MGAT4D: variants seen among roughly 807,000 people sequenced by gnomAD.
MGAT4D encodes the protein MGAT4 family member D, also known as alpha-1,3-mannosyl-glycoprotein 4-beta-N-acetylglucosaminyltransferase-like protein MGAT4D.
In MGAT4D, 34 loss-of-function variants were observed where a neutral mutation model predicts 15.9. The observed-to-expected ratio is 2.14, with a 90% confidence interval of 1.62 to 2.84. MGAT4D has a LOEUF of 2.84. MGAT4D is among the 30% of genes most tolerant of loss of function. The probability of loss-of-function intolerance (pLI) is 0.00; values close to 1 mark genes in which losing one functional copy is unlikely to be tolerated. For missense variants in MGAT4D, 327 were observed against 140.2 expected (o/e 2.33, Z -6.73); for synonymous variants, 112 against 48.2 (o/e 2.33, Z -5.49).
intron 4 of MGAT4D, among the ~76,000 whole-genome samples, chr4:140,473,868 A>AT (rs3086801): frequency 0.51 from 74,868 of 147,004 alleles, 22,069 homozygotes; most frequent in Non-Finnish European, 0.68. Context: ...CTAGCTAAGC[A>AT]TTTTTTTTTT....
intron 5 of MGAT4D, among the ~76,000 whole-genome samples, chr4:140,468,464 T>C (rs1466749857): frequency 2.0e-5 from 3 of 152,202 alleles, no homozygotes; most frequent in African/African-American, 7.2e-5. Flanking sequence ...GGTCATATCT[T>C]CAGGAATTGT....
intron 3 of MGAT4D, among the ~76,000 whole-genome samples, chr4:140,477,020 G>A (rs77100133): frequency 0.094 from 14,312 of 152,020 alleles, 794 homozygotes; most frequent in African/African-American, 0.16. Flanking sequence ...AAAGGGGCAA[G>A]CCCCTTTATT....
At chr4:140,496,820 G>C (rs918400005) in intron 1 of MGAT4D, among the ~76,000 whole-genome samples, 3 of 151,356 alleles carry the variant, frequency 2.0e-5, no homozygotes, top group African/African-American at 7.3e-5. Flanking sequence ...TGGGCAACAA[G>C]AGTGAAAACT....
chr4:140,481,983 A>G (rs1052708385), intron 2 of MGAT4D, among the ~76,000 whole-genome samples: 2 of 152,158 alleles, frequency 1.3e-5, no homozygotes, highest in Non-Finnish European at 2.9e-5. Context: ...AATTTTTGAG[A>G]TATATAGAAT....
At chr4:140,462,684 G>A (rs1325418234) in intron 6 of MGAT4D, 3 of 152,168 alleles carry the variant, frequency 2.0e-5, no homozygotes, top group Non-Finnish European at 4.4e-5. Context: ...CTAGGGAATG[G>A]AGTAATTGTA....
At chr4:140,448,932 C>A (rs1475813229) in intron 10 of MGAT4D, among the ~76,000 whole-genome samples, 1 of 152,124 alleles carries the variant, frequency 6.6e-6, no homozygotes, top group Non-Finnish European at 1.5e-5. Flanking sequence ...ACTACTACAA[C>A]AACAAAACAA....
At chr4:140,493,364 C>T (rs183638482) in intron 1 of MGAT4D, among the ~76,000 whole-genome samples, 10 of 146,414 alleles carry the variant, frequency 6.8e-5, no homozygotes, top group Admixed American at 3.5e-4. Context: ...GGTGCGATCT[C>T]GGCTTACTGC....
chr4:140,456,065 G>C (rs1387985625), intron 9 of MGAT4D, among the ~76,000 whole-genome samples: 1 of 152,142 alleles, frequency 6.6e-6, no homozygotes, highest in East Asian at 1.9e-4. Context: ...TGAGCCCAGG[G>C]AGGTTGAGGC....
chr4:140,484,689 T>G (rs951519678), intron 1 of MGAT4D, among the ~76,000 whole-genome samples: 1 of 151,776 alleles, frequency 6.6e-6, no homozygotes, highest in African/African-American at 2.4e-5. Context: ...TACAATGAAC[T>G]CAAACAAATT....
intron 2 of MGAT4D, among the ~76,000 whole-genome samples, chr4:140,480,188 CA>C (rs1732607941): frequency 6.6e-6 from 1 of 151,618 alleles, no homozygotes; most frequent in African/African-American, 2.4e-5. Context: ...AGTAGGTTCA[CA>C]AAAATATGGT....
intron 1 of MGAT4D, among the ~76,000 whole-genome samples, chr4:140,496,931 T>G (rs1733877706): frequency 6.6e-6 from 1 of 152,210 alleles, no homozygotes; most frequent in Non-Finnish European, 1.5e-5. Flanking sequence ...TTCATTGTGC[T>G]AAAATAGACA....
intron 5 of MGAT4D, among the ~76,000 whole-genome samples, chr4:140,467,812 T>C (rs1270160306): frequency 6.6e-6 from 1 of 152,078 alleles, no homozygotes; most frequent in East Asian, 1.9e-4. Context: ...TATAGGTTTA[T>C]GTAAAGTGTA....
rs2126644422 is a variant in MGAT4D, at chr4:140,442,324, T to G, written c.*1112A>C. 6.6e-6 allele frequency: 1 copy of G among 152,276 alleles called. No individual in the cohort carries two copies. The highest frequency in any genetic ancestry group is 6.5e-5 in the Admixed American group (1 of 15,280). 9.4% of individuals were successfully genotyped at this position (152,276 alleles called of 1,614,324 possible). A position where few individuals can be genotyped will look rare whatever the true frequency, so the allele number is the denominator to read the frequency against. On this transcript the variant is annotated 3_prime_UTR_variant, in exon 11 of 11. Coordinates refer to ENST00000511113, the MANE Select transcript of MGAT4D (RefSeq NM_001277353.2). ...TACAGTTCATACTGAGGCGAATGTG[T>G]GAGATCTTGGCACTCAAGAATAAGG...
intron 10 of MGAT4D, among the ~76,000 whole-genome samples, chr4:140,446,219 T>C (rs6843765): frequency 0.051 from 7,812 of 152,246 alleles, 657 homozygotes; most frequent in African/African-American, 0.18. Context: ...TTTTCAATTT[T>C]TTGGAATAGT....
At chr4:140,456,807 T>A (rs1445287996) in intron 8 of MGAT4D, 88 bp from the exon 9 acceptor site, 1 of 543,104 alleles carries the variant, frequency 1.8e-6, no homozygotes, top group Non-Finnish European at 3.2e-6. Context: ...TTATTAAAAT[T>A]TAAATATGTC....
intron 5 of MGAT4D, 74 bp from the exon 6 acceptor site, chr4:140,465,083 ATT>A: frequency 1.6e-6 from 1 of 620,692 alleles, no homozygotes; most frequent in East Asian, 2.8e-5. Context: ...CTTAAAAATA[ATT>A]TTCTTATGCA....
chr4:140,466,566 C>T (rs1731545237), intron 5 of MGAT4D, among the ~76,000 whole-genome samples: 1 of 152,112 alleles, frequency 6.6e-6, no homozygotes, highest in East Asian at 1.9e-4. Flanking sequence ...ATCATTAATA[C>T]TCAATAATTT....
chr4:140,494,854 C>T (rs1733733716), intron 1 of MGAT4D, among the ~76,000 whole-genome samples: 1 of 152,162 alleles, frequency 6.6e-6, no homozygotes, highest in African/African-American at 2.4e-5. Flanking sequence ...TAGGACTGCC[C>T]TCTCCCCGCA....
At chr4:140,467,459 A>C (rs1052707697) in intron 5 of MGAT4D, among the ~76,000 whole-genome samples, 1 of 152,138 alleles carries the variant, frequency 6.6e-6, no homozygotes, top group Non-Finnish European at 1.5e-5. Flanking sequence ...GTCCTCTAGA[A>C]AATTCCATCC....
Sources: gnomAD v4.1 joint callset for allele counts (sites outside exome capture counted in the v4.1 genomes callset) on GRCh38, gnomAD v4.1.1 for gene constraint, MANE v1.5 for transcripts, NCBI Gene and HGNC (gene_info 2026-07-23, HGNC 2026-07-21) for gene names.